L3MBTL2: variants seen among roughly 807,000 people sequenced by gnomAD.
L3MBTL2 encodes the protein L3MBTL histone methyl-lysine binding protein 2.
L3MBTL2 carries 49 observed loss-of-function variants against 86.4 expected under a neutral mutation model. That is an observed-to-expected ratio of 0.57 (90% CI 0.45 to 0.72). The LOEUF (loss-of-function observed/expected upper bound fraction) is 0.72, where lower values mean the gene tolerates loss of function less well. Among genes scored for constraint, L3MBTL2 ranks in the 30% least tolerant of loss-of-function variants. L3MBTL2 has a pLI of 0.00. For synonymous variants in L3MBTL2, 336 were observed against 350.6 expected, an observed-to-expected ratio of 0.96 and a Z score of 0.47; for missense variants, 755 against 923.7, an observed-to-expected ratio of 0.82 and a Z score of 2.37.
In L3MBTL2 at chr22:41,227,233, G is replaced by A. The variant is rs1189851016; in HGVS notation, c.1732G>A (p.Asp578Asn). 1.2e-6 allele frequency: 2 copies of A among 1,613,224 alleles called. No homozygotes were observed. Among genetic ancestry groups the A allele is most frequent in the South Asian group, 1.1e-5 (1 of 91,038 alleles). ...IHFDGWDSEY[D>N]QWVDCESPDI... ...CTTTGACGGCTGGGACAGCGAGTAC[G>A]ACCAGTGGGTGGACTGCGAGTCCCC... is the stretch of plus-strand genomic sequence containing the variant. The change falls in exon 14 of 17, where the codon GAC (aspartate) becomes AAC (asparagine). Residue 578 changes from aspartate (D) to asparagine (N), a missense_variant. Asp to Asn is a conservative substitution (Grantham distance 23). Around this residue, in one of 3 missense-constraint regions of L3MBTL2, gnomAD observed 634 missense variants for 748.9 expected, o/e 0.85. Transcript: ENST00000216237. This position sits in a 1 kb window ranked among gnomAD's most constrained non-coding sequence, Gnocchi z 6.0.
chr22:41,229,848 C>A (rs748029026), intron 16 of L3MBTL2, 192 bp downstream of exon 16: 4 of 933,000 alleles, frequency 4.3e-6, no homozygotes, highest in Non-Finnish European at 6.8e-6. Context: ...GGAGCTGAGT[C>A]CCCCTCTAGC....
At chr22:41,217,344 C>G (rs2031469234) in intron 5 of L3MBTL2, 142 bp downstream of exon 5, 6 of 626,882 alleles carry the variant, frequency 9.6e-6, no homozygotes, top group Non-Finnish European at 1.7e-5. Context: ...ACCACTCGCT[C>G]CATTTCATGT....
intron 12 of L3MBTL2, 104 bp downstream of exon 12, chr22:41,226,045 G>A: frequency 3.9e-6 from 5 of 1,292,782 alleles, no homozygotes; most frequent in Non-Finnish European, 5.4e-6. Context: ...GGGAGGCCGA[G>A]GCAGGTGGAT....
At position 41,211,585 on chromosome 22, in the gene L3MBTL2, C is replaced by T. The variant is rs1257286394; in HGVS notation, c.262+1652C>T. Among the ~76,000 whole-genome samples the T allele has an allele frequency of 3.1e-3, 170 of 54,542 alleles. 4 individuals are homozygous for T. The highest frequency in any genetic ancestry group is 0.016 in the African/African-American group (160 of 9,818). The allele number at this position is 54,542 out of a possible 152,430, so 35.8% of individuals were successfully genotyped here. ...TTTTTTTTTTTTTTTGAGACGGAGTCTTGCTCTGTCACCCAGGCTGGAATG... is the reference window on the plus strand; with the variant it reads ...TTTTTTTTTTTTTTTGAGACGGAGTTTTGCTCTGTCACCCAGGCTGGAATG... On this transcript the variant is annotated intron_variant, in intron 2 of 16. Transcript: ENST00000216237.
At chr22:41,221,766 G>C (rs756339405) in intron 8 of L3MBTL2, among the ~76,000 whole-genome samples, 9 of 151,550 alleles carry the variant, frequency 5.9e-5, no homozygotes, top group Non-Finnish European at 1.0e-4. Flanking sequence ...ACCACGCCCA[G>C]CTCATTTTTT....
At chr22:41,216,921 A>G (rs2145586179) in intron 4 of L3MBTL2, 5 of 525,620 alleles carry the variant, frequency 9.5e-6, no homozygotes, top group East Asian at 6.4e-5. Context: ...CCACCTTTCA[A>G]TTCAGTCCTC....
In L3MBTL2 at chr22:41,224,966, G is replaced by A; in HGVS notation, c.1252-1G>A. On this transcript the variant is annotated splice_acceptor_variant, in intron 10 of 16. Transcript: ENST00000216237. LOFTEE classifies it high-confidence loss of function. The surrounding 1 kb of genome is among the most constrained non-coding windows in gnomAD (Gnocchi z 4.9). The stretch of plus-strand genomic sequence containing the variant: ...GTCCCCAGCTGTCCCATTCCTTTAA[G>A]GTACGAGCAGTCTACACAGAAGGCG... 1.2e-6 allele frequency: 2 copies of A among 1,613,110 alleles called. No individual in the cohort carries two copies. Among genetic ancestry groups the A allele is most frequent in the Non-Finnish European group, 1.7e-6 (2 of 1,179,356 alleles).
chr22:41,221,076 C>T, intron 7 of L3MBTL2, 123 bp from the exon 8 acceptor site: 1 of 981,830 alleles, frequency 1.0e-6, no homozygotes. Flanking sequence ...CATTGCTGGC[C>T]TGAAGAGGCA....
intron 12 of L3MBTL2, 49 bp from the exon 13 acceptor site, chr22:41,226,613 C>T: frequency 7.4e-7 from 1 of 1,360,464 alleles, no homozygotes. Context: ...CTCCTGCCCA[C>T]TTCCTGCTTC....
chr22:41,222,999 A>C (rs1369884183), intron 8 of L3MBTL2, among the ~76,000 whole-genome samples: 1 of 152,052 alleles, frequency 6.6e-6, no homozygotes, highest in Non-Finnish European at 1.5e-5. Context: ...TGAAGAGAAC[A>C]TGGCAGGGAA....
chr22:41,226,002 C>G (rs938192408), intron 12 of L3MBTL2, 61 bp downstream of exon 12: 6 of 1,557,362 alleles, frequency 3.9e-6, no homozygotes, highest in Non-Finnish European at 5.2e-6. Flanking sequence ...GGTGTCCAGG[C>G]GCGGTGGCTC....
Position 41,227,933 on chromosome 22 carries a change from GGA to G in L3MBTL2, c.1888+66_1888+67del. 1 of 1,583,088 alleles carries G rather than the reference GGA, an allele frequency of 6.3e-7. No homozygotes were observed. Among genetic ancestry groups the G allele is most frequent in the East Asian group, 2.3e-5 (1 of 43,592 alleles). ...TGGGAGCAGTGGGCCTGCGTCCCTG[GGA>G]GCAGGCGGGGGTCAGCCCCCAGGCA... On this transcript the variant is annotated intron_variant, in intron 15 of 16. Transcript: ENST00000216237. This position sits in a 1 kb window ranked among gnomAD's most constrained non-coding sequence, Gnocchi z 6.0.
Position 41,224,085 on chromosome 22 carries a change from G to A in L3MBTL2, c.1008G>A (p.Gln336=). 6.2e-7 allele frequency: 1 copy of A among 1,614,204 alleles called. No homozygotes were observed. The highest frequency in any genetic ancestry group is 8.5e-7 in the Non-Finnish European group (1 of 1,180,024). Residue 336 remains glutamine, a synonymous_variant, in exon 9 of 17, where the codon CAG becomes CAA. Coordinates refer to ENST00000216237, the MANE Select transcript of L3MBTL2 (RefSeq NM_031488.5). This position sits in a 1 kb window ranked among gnomAD's most constrained non-coding sequence, Gnocchi z 4.9. ...GMRLEVVDKS[Q]VSRTRMAVVD... is the part of the protein sequence containing the mutation. Reference sequence around the variant, plus strand: ...GGCTGGAAGTGGTGGACAAGTCCCAGGTGTCACGCACTCGCATGGCTGTGG... The same window carrying A: ...GGCTGGAAGTGGTGGACAAGTCCCAAGTGTCACGCACTCGCATGGCTGTGG...
rs2031343712 is a variant in L3MBTL2 at position 41,216,177 on chromosome 22, G to A, written c.435G>A (p.Lys145=). The A allele has an allele frequency of 6.2e-7, 1 of 1,613,994 alleles. No individual in the cohort carries two copies. Among genetic ancestry groups the A allele is most frequent in the Non-Finnish European group, 8.5e-7 (1 of 1,180,018 alleles). Residue 145 remains lysine, a synonymous_variant, in exon 4 of 17, where the codon AAG becomes AAA. Coordinates refer to ENST00000216237, the MANE Select transcript of L3MBTL2 (RefSeq NM_031488.5). ...CCAAAAAAGCCAAAGTCCTGCACAA[G>A]GCTGCCTGGTCTGCCAAAATTGGAG... ...PPTKKAKVLH[K]AAWSAKIGAF...
rs376827698 is a variant in L3MBTL2 at position 41,224,804 on chromosome 22, G to T, written c.1251+3G>T. On this transcript the variant is annotated splice_donor_region_variant and intron_variant, in intron 10 of 16. Transcript: ENST00000216237. The surrounding 1 kb of genome is among the most constrained non-coding windows in gnomAD (Gnocchi z 4.9). ...CCGTTCCTTACCTCTTCAAGAAGGT[G>T]AGGTTCAGCTCTTGGGCGCTTTTCC... The T allele has an allele frequency of 3.7e-6, 6 of 1,612,090 alleles. No homozygotes were observed. The highest frequency in any genetic ancestry group is 4.2e-6 in the Non-Finnish European group (5 of 1,178,262).
intron 12 of L3MBTL2, among the ~76,000 whole-genome samples, chr22:41,226,213 G>A (rs2032173470): frequency 1.3e-5 from 2 of 152,108 alleles, no homozygotes; most frequent in Admixed American, 6.5e-5. Flanking sequence ...GGAGGTGGAG[G>A]TTACAGTGAG....
At position 41,230,500 on chromosome 22, in the gene L3MBTL2, A is replaced by C; in HGVS notation, c.*249A>C. The C allele has an allele frequency of 2.1e-6, 1 of 473,212 alleles. No homozygotes were observed. The allele number at this position is 473,212 out of a possible 1,614,324, so 29.3% of individuals were successfully genotyped here. A position where few individuals can be genotyped will look rare whatever the true frequency, so the allele number is the denominator to read the frequency against. ...AGGCCCCAGAACTCGTCTGTGAACC[A>C]CCTTTTCCAGCCAGAGTTCCCAAAG... is the stretch of plus-strand genomic sequence containing the variant. On this transcript the variant is annotated 3_prime_UTR_variant, in exon 17 of 17. Coordinates refer to ENST00000216237, the MANE Select transcript of L3MBTL2 (RefSeq NM_031488.5).
rs1046445226 is a variant in L3MBTL2, at chr22:41,225,501, G to A, written c.1357-293G>A. Among the ~76,000 whole-genome samples the A allele has an allele frequency of 4.6e-5, 7 of 152,108 alleles. No individual in the cohort carries two copies. The highest frequency in any genetic ancestry group is 7.2e-5 in the African/African-American group (3 of 41,412). ...AGGAGGCTGCTGACTCGTCCTCGCC[G>A]CGGATCCGCTCCATGCCGGGCGCGT... On this transcript the variant is annotated intron_variant, in intron 11 of 16. Transcript: ENST00000216237. This position sits in a 1 kb window ranked among gnomAD's most constrained non-coding sequence, Gnocchi z 4.1.
chr22:41,205,362 C>T lies in L3MBTL2; in HGVS notation c.-1C>T. 2 of 1,614,192 alleles carry T rather than the reference C, an allele frequency of 1.2e-6. No individual in the cohort carries two copies. Among genetic ancestry groups the T allele is most frequent in the Non-Finnish European group, 1.7e-6 (2 of 1,180,040 alleles). The stretch of plus-strand genomic sequence containing the variant: ...GTGACGCTTGGCGAAACTGAGGTCT[C>T]ATGGAGAAGCCCCGGAGTATTGAGG... On this transcript the variant is annotated 5_prime_UTR_variant, in exon 1 of 17. Transcript: ENST00000216237.
Sources: gnomAD v4.1 joint callset for allele counts (sites outside exome capture counted in the v4.1 genomes callset) on GRCh38, gnomAD v4.1.1 for gene constraint, gnomAD v4.1.1 regional missense constraint, Gnocchi (gnomAD v3.1) non-coding constraint, MANE v1.5 for transcripts, NCBI Gene and HGNC (gene_info 2026-07-23, HGNC 2026-07-21) for gene names.